The following BAALC variants were observed in gnomAD, a reference collection of about 807,000 sequenced individuals.
BAALC encodes BAALC binder of MAP3K1 and KLF4, also known as brain and acute leukemia cytoplasmic protein.
Under a neutral mutation model 15.5 loss-of-function variants are expected in BAALC, and 9 were observed. That is an observed-to-expected ratio of 0.58 (90% confidence interval 0.35 to 1.02). The LOEUF is 1.02. BAALC is among the 50% of genes least tolerant of loss of function. BAALC has a pLI of 0.02. For synonymous variants in BAALC, 80 were observed against 74.6 expected, an observed-to-expected ratio of 1.07 and a Z score of -0.37; for missense variants, 201 against 192.4, an observed-to-expected ratio of 1.04 and a Z score of -0.27.
intron 1 of BAALC, 111 bp downstream of exon 1, chr8:103,141,168 G>A (rs1810766716): frequency 7.9e-7 from 1 of 1,260,680 alleles, no homozygotes; most frequent in Non-Finnish European, 1.0e-6. Context: ...CGGCGGGGGT[G>A]GCTGGGAGGA....
At chr8:103,152,712 A>G (rs755987931) in intron 1 of BAALC, among the ~76,000 whole-genome samples, 25 of 151,874 alleles carry the variant, frequency 1.6e-4, no homozygotes, top group Non-Finnish European at 2.9e-4. Context: ...ACAGAAACCA[A>G]CTCCAGGAAT....
chr8:103,183,711 C>T (rs1811775533), intron 1 of BAALC, among the ~76,000 whole-genome samples: 2 of 152,160 alleles, frequency 1.3e-5, no homozygotes, highest in African/African-American at 4.8e-5. Flanking sequence ...TGCTCCATAC[C>T]TGCTCATGAA....
At chr8:103,185,003 C>A (rs1414468152) in intron 1 of BAALC, among the ~76,000 whole-genome samples, 2 of 152,146 alleles carry the variant, frequency 1.3e-5, no homozygotes, top group Non-Finnish European at 2.9e-5. Context: ...ACATGATGGG[C>A]AGTGGAGCGG....
At chr8:103,201,135 A>G (rs1812205549) in intron 1 of BAALC, among the ~76,000 whole-genome samples, 1 of 152,122 alleles carries the variant, frequency 6.6e-6, no homozygotes, top group African/African-American at 2.4e-5. Context: ...GGCTACAAGC[A>G]GGGAAAATTG....
intron 1 of BAALC, among the ~76,000 whole-genome samples, chr8:103,188,804 C>T (rs1306903617): frequency 6.6e-6 from 1 of 152,154 alleles, no homozygotes; most frequent in East Asian, 1.9e-4. Context: ...GAAAGGAGTA[C>T]ATATATTTTT....
At chr8:103,209,020 T>C (rs1166514558) in intron 1 of BAALC, among the ~76,000 whole-genome samples, 1 of 152,080 alleles carries the variant, frequency 6.6e-6, no homozygotes, top group Non-Finnish European at 1.5e-5. Context: ...GATGGCTCAG[T>C]AGGGGCCTCT....
At chr8:103,148,983 G>A (rs796759549) in intron 1 of BAALC, among the ~76,000 whole-genome samples, 16 of 152,192 alleles carry the variant, frequency 1.1e-4, no homozygotes, top group South Asian at 8.3e-4. Flanking sequence ...ATCACCCTCC[G>A]AAATAACCTC....
At chr8:103,192,872 G>A (rs1339155915) in intron 1 of BAALC, among the ~76,000 whole-genome samples, 1 of 152,128 alleles carries the variant, frequency 6.6e-6, no homozygotes, top group East Asian at 1.9e-4. Context: ...TCTGTGCTTT[G>A]CCACCAGCAA....
At chr8:103,216,284 G>A (rs1383700230) in intron 2 of BAALC, among the ~76,000 whole-genome samples, 1 of 152,154 alleles carries the variant, frequency 6.6e-6, no homozygotes, top group East Asian at 1.9e-4. Context: ...CCTAGGAGTG[G>A]AATTGTTGGG....
intron 1 of BAALC, among the ~76,000 whole-genome samples, chr8:103,192,426 C>T (rs16870243): frequency 0.11 from 16,651 of 152,216 alleles, 1,256 homozygotes; most frequent in East Asian, 0.3. Flanking sequence ...CTGACTGTGT[C>T]CTTTCTAAAT....
intron 1 of BAALC, among the ~76,000 whole-genome samples, chr8:103,204,169 T>C (rs1277589568): frequency 6.6e-6 from 1 of 152,222 alleles, no homozygotes; most frequent in African/African-American, 2.4e-5. Context: ...ATTTCTTTGA[T>C]AGCTAATGAT....
At chr8:103,147,934 T>C (rs867043424) in intron 1 of BAALC, among the ~76,000 whole-genome samples, 1 of 152,200 alleles carries the variant, frequency 6.6e-6, no homozygotes, top group Non-Finnish European at 1.5e-5. Flanking sequence ...GAACGCTTGC[T>C]TCCTCACATG....
At chr8:103,157,290 A>G (rs1811117305) in intron 1 of BAALC, among the ~76,000 whole-genome samples, 1 of 152,134 alleles carries the variant, frequency 6.6e-6, no homozygotes, top group African/African-American at 2.4e-5. Flanking sequence ...TGAAAATTTG[A>G]AACTTTATAC....
intron 1 of BAALC, among the ~76,000 whole-genome samples, chr8:103,159,174 T>C (rs1166737739): frequency 6.6e-6 from 1 of 152,206 alleles, no homozygotes; most frequent in Admixed American, 6.5e-5. Context: ...AGGTATTCTT[T>C]CCATCGTGTG....
At chr8:103,189,616 T>C (rs939651912) in intron 1 of BAALC, among the ~76,000 whole-genome samples, 1 of 152,096 alleles carries the variant, frequency 6.6e-6, no homozygotes, top group Non-Finnish European at 1.5e-5. Context: ...TGATCAGAGG[T>C]TGCCCCCTCA....
chr8:103,170,863 T>C (rs1051140963), intron 1 of BAALC, among the ~76,000 whole-genome samples: 1 of 152,124 alleles, frequency 6.6e-6, no homozygotes, highest in African/African-American at 2.4e-5. Flanking sequence ...CTTTGAGAAA[T>C]GGAAGGTGAT....
intron 1 of BAALC, among the ~76,000 whole-genome samples, chr8:103,180,947 T>C (rs190265808): frequency 6.6e-6 from 1 of 152,334 alleles, no homozygotes; most frequent in Admixed American, 6.5e-5. Flanking sequence ...ACCTCAGTTA[T>C]AGCATCCCTG....
chr8:103,185,467 G>A (rs72673322), intron 1 of BAALC, among the ~76,000 whole-genome samples: 11,167 of 152,038 alleles, frequency 0.073, 575 homozygotes, highest in Non-Finnish European at 0.12. Context: ...CTATTCTAAT[G>A]GTTATCCTAA....
chr8:103,166,995 C>G (rs1433413575), intron 1 of BAALC, among the ~76,000 whole-genome samples: 1 of 152,072 alleles, frequency 6.6e-6, no homozygotes, highest in Admixed American at 6.6e-5. Flanking sequence ...AAGAATGATA[C>G]CTGGGGTGAA....
Sources: allele counts gnomAD v4.1 joint callset (sites outside exome capture counted in the v4.1 genomes callset), GRCh38; gene constraint gnomAD v4.1.1; transcripts MANE v1.5; gene names NCBI Gene and HGNC (gene_info 2026-07-23, HGNC 2026-07-21).